SLF2: variants seen among roughly 807,000 people sequenced by gnomAD.
SLF2 encodes SMC5/6 complex localization factor 2, also known as SMC5-SMC6 complex localization factor protein 2.
A neutral mutation model predicts 124.3 loss-of-function variants in SLF2; 68 were observed. That is an observed-to-expected ratio of 0.55 (90% confidence interval 0.45 to 0.67). SLF2 has a LOEUF of 0.67. Among genes scored for constraint, SLF2 ranks in the 30% least tolerant of loss-of-function variants. The probability of loss-of-function intolerance (pLI) is 0.00; values close to 1 mark genes in which losing one functional copy is unlikely to be tolerated. For missense variants in SLF2, 1,246 were observed against 1,373.7 expected (o/e 0.91, Z 1.47); for synonymous variants, 480 against 478.8 (o/e 1.00, Z -0.03).
Position 100,924,266 on chromosome 10 carries a change from A to C in SLF2, c.1265A>C (p.Asn422Thr). 1 of 1,614,200 alleles carries C rather than the reference A, an allele frequency of 6.2e-7. No individual in the cohort carries two copies. The highest frequency in any genetic ancestry group is 8.5e-7 in the Non-Finnish European group (1 of 1,180,038). ...SGNSGHHSTR[N>T]SDQIQVAGTK... ...AATTCTGGCCACCATTCTACCAGGA[A>C]TAGTGACCAAATCCAAGTGGCAGGT... The change falls in exon 5 of 20, where the codon AAT (asparagine) becomes ACT (threonine). Residue 422 changes from asparagine to threonine, a missense_variant. Asn to Thr is a moderately conservative substitution (Grantham distance 65, BLOSUM62 0). Transcript: ENST00000238961.
intron 17 of SLF2, among the ~76,000 whole-genome samples, chr10:100,956,165 G>A (rs1850326106): frequency 6.6e-6 from 1 of 151,576 alleles, no homozygotes; most frequent in African/African-American, 2.4e-5. Flanking sequence ...TTAAATTTCT[G>A]AGTACTATAT....
At position 100,940,280 on chromosome 10, in the gene SLF2, A is replaced by T. The variant is rs183984005; in HGVS notation, c.2654+1544A>T. Among the ~76,000 whole-genome samples, 5 of 152,356 alleles carry T rather than the reference A, an allele frequency of 3.3e-5. No individual in the cohort carries two copies. The East Asian group carries it at 9.6e-4, about 29-fold the overall frequency. On this transcript the variant is annotated intron_variant, in intron 11 of 19. Transcript: ENST00000238961. Reference sequence around the variant, plus strand: ...GTGAGTAAAGATGGGCACAAGCTTAACAAAAGTGATCTGGTGAAGGAATGA... The same window carrying T: ...GTGAGTAAAGATGGGCACAAGCTTATCAAAAGTGATCTGGTGAAGGAATGA...
Position 100,924,491 on chromosome 10 carries a change from C to T in SLF2, c.1490C>T (p.Pro497Leu). 2.5e-6 allele frequency: 4 copies of T among 1,614,070 alleles called. No individual in the cohort carries two copies. Among genetic ancestry groups the T allele is most frequent in the Non-Finnish European group, 3.4e-6 (4 of 1,180,020 alleles). ...VPLNAKNCALPVSKKDKERSS... is the reference protein window; with the variant it reads ...VPLNAKNCALLVSKKDKERSS... The stretch of plus-strand genomic sequence containing the variant: ...TTAAATGCTAAAAATTGTGCTCTTC[C>T]AGTTTCTAAAAAAGATAAAGAGCGT... The change falls in exon 5 of 20, where the codon CCA becomes CTA. Residue 497 changes from proline (P) to leucine (L), a missense_variant. Physicochemically the swap from Pro to Leu is moderately conservative, Grantham distance 98. Transcript: ENST00000238961.
intron 18 of SLF2, among the ~76,000 whole-genome samples, chr10:100,957,330 A>ATTTTTTTTTTTTTTTT (rs71013477): frequency 3.3e-5 from 3 of 91,828 alleles, no homozygotes; most frequent in Non-Finnish European, 5.8e-5. Flanking sequence ...GGAGTCTTCA[A>ATTTTTTTTTTTTTTTT]TTTTTTTTTT....
At chr10:100,954,309 T>A (rs537189563) in intron 17 of SLF2, among the ~76,000 whole-genome samples, 2 of 152,272 alleles carry the variant, frequency 1.3e-5, no homozygotes, top group African/African-American at 4.8e-5. Flanking sequence ...ATAACTATAG[T>A]ATTTTGAAAC....
At chr10:100,958,103 G>T (rs1339043679) in intron 18 of SLF2, among the ~76,000 whole-genome samples, 5 of 152,008 alleles carry the variant, frequency 3.3e-5, no homozygotes, top group African/African-American at 9.7e-5. Context: ...TTTTTCTAAA[G>T]ATTTTTTTAT....
rs1429551864 is a variant in SLF2 at position 100,913,216 on chromosome 10, G to C, written c.106G>C (p.Ala36Pro). ...GAGACCCGGTAGTACCGCCCATGCT[G>C]CAGCGGGAAAGAGAACAGAGAGTCC... Reference protein sequence around the residue: ...HLRPGSTAHAAAGKRTESPGD... With the variant: ...HLRPGSTAHAPAGKRTESPGD... Residue 36 changes from alanine to proline, a missense_variant, in exon 1 of 20, where the codon GCA (alanine) becomes CCA (proline). Around this residue, in one of 3 missense-constraint regions of SLF2, gnomAD observed 698 missense variants for 708.9 expected, o/e 0.98. Coordinates refer to ENST00000238961, the MANE Select transcript of SLF2 (RefSeq NM_018121.4). 1.2e-6 allele frequency: 2 copies of C among 1,611,342 alleles called. No homozygotes were observed. The highest frequency in any genetic ancestry group is 1.7e-6 in the Non-Finnish European group (2 of 1,178,870).
intron 16 of SLF2, 135 bp from the exon 17 acceptor site, chr10:100,950,541 C>A: frequency 1.4e-6 from 1 of 728,934 alleles, no homozygotes; most frequent in Non-Finnish European, 2.3e-6. Context: ...AGATGCTTCG[C>A]TTTTACTTAC....
In SLF2 at chr10:100,916,768, T is replaced by G; in HGVS notation, c.383T>G (p.Ile128Arg). The part of the protein sequence containing the change: ...GVKEHHEDHG[I>R]HESRRPCLSL... ...AAAGAGCACCATGAAGATCATGGTATACATGAGTCACGTCGGCCTTGTCTG... is the reference window on the plus strand; with the variant it reads ...AAAGAGCACCATGAAGATCATGGTAGACATGAGTCACGTCGGCCTTGTCTG... The change falls in exon 3 of 20, where the codon ATA becomes AGA. Residue 128 changes from isoleucine to arginine, a missense_variant. Around this residue, in one of 3 missense-constraint regions of SLF2, gnomAD observed 698 missense variants for 708.9 expected, o/e 0.98. Transcript: ENST00000238961. The G allele has an allele frequency of 6.2e-7, 1 of 1,612,736 alleles. No individual in the cohort carries two copies. The highest frequency in any genetic ancestry group is 8.5e-7 in the Non-Finnish European group (1 of 1,179,470).
intron 10 of SLF2, among the ~76,000 whole-genome samples, 178 bp downstream of exon 10, chr10:100,937,655 C>T (rs1313776724): frequency 1.3e-5 from 2 of 151,930 alleles, no homozygotes; most frequent in Admixed American, 6.6e-5. Context: ...GTCGCCCGGG[C>T]TGAAGTGCAG....
At chr10:100,920,811 A>G (rs1480384117) in intron 4 of SLF2, among the ~76,000 whole-genome samples, 5 of 152,110 alleles carry the variant, frequency 3.3e-5, no homozygotes, top group Non-Finnish European at 7.4e-5. Flanking sequence ...TTAGCTGGGC[A>G]TGGTGCCCAA....
chr10:100,923,733 G>A (rs1270682426), intron 4 of SLF2, among the ~76,000 whole-genome samples: 3 of 152,064 alleles, frequency 2.0e-5, no homozygotes, highest in Non-Finnish European at 4.4e-5. Flanking sequence ...TTCTGTTAAG[G>A]TGGTAAACTT....
intron 6 of SLF2, 168 bp downstream of exon 6, chr10:100,926,187 C>G: frequency 6.4e-7 from 1 of 1,550,808 alleles, no homozygotes; most frequent in South Asian, 1.2e-5. Flanking sequence ...TGGCTCATGC[C>G]TGTAATCACA....
intron 11 of SLF2, among the ~76,000 whole-genome samples, chr10:100,940,354 A>G (rs1296771860): frequency 1.3e-5 from 2 of 152,032 alleles, no homozygotes; most frequent in African/African-American, 4.8e-5. Flanking sequence ...ATGAGTCTGG[A>G]AATGTGTGTG....
At chr10:100,931,609 G>A (rs1849737669) in intron 9 of SLF2, among the ~76,000 whole-genome samples, 1 of 152,124 alleles carries the variant, frequency 6.6e-6, no homozygotes, top group African/African-American at 2.4e-5. Context: ...TTAAATATCA[G>A]TGGTATCATT....
chr10:100,961,927 G>A lies in SLF2; in HGVS notation c.*15G>A. 1.2e-6 allele frequency: 2 copies of A among 1,601,098 alleles called. No homozygotes were observed. Among genetic ancestry groups the A allele is most frequent in the Non-Finnish European group, 1.7e-6 (2 of 1,171,010 alleles). Reference sequence around the variant, plus strand: ...CAGATTCTTAATAGGAGTTGCAGCAGCAAAAATATGAACCAAGAGAAATTC... The same window carrying A: ...CAGATTCTTAATAGGAGTTGCAGCAACAAAAATATGAACCAAGAGAAATTC... On this transcript the variant is annotated 3_prime_UTR_variant, in exon 20 of 20. Transcript: ENST00000238961.
intron 12 of SLF2, among the ~76,000 whole-genome samples, chr10:100,944,384 ATT>A (rs1850054477): frequency 1.3e-5 from 2 of 149,620 alleles, no homozygotes; most frequent in Non-Finnish European, 3.0e-5. Context: ...AGTCCCAGCT[ATT>A]CAGGAGGCTG....
At chr10:100,931,543 A>C (rs910125829) in intron 9 of SLF2, among the ~76,000 whole-genome samples, 3 of 152,198 alleles carry the variant, frequency 2.0e-5, no homozygotes, top group African/African-American at 7.2e-5. Flanking sequence ...CACTTAAATA[A>C]TTATCTTAAA....
Position 100,964,172 on chromosome 10 carries a change from A to T in SLF2, c.*2260A>T, listed in dbSNP as rs961699950. 1 of 152,570 alleles carries T rather than the reference A, an allele frequency of 6.6e-6. No individual in the cohort carries two copies. The highest frequency in any genetic ancestry group is 2.4e-5 in the African/African-American group (1 of 41,404). The allele number at this position is 152,570 out of a possible 1,614,324, so 9.5% of individuals were successfully genotyped here. On this transcript the variant is annotated 3_prime_UTR_variant, in exon 20 of 20. Transcript: ENST00000238961. The stretch of plus-strand genomic sequence containing the variant: ...CCCTCCTGCTGCTATTGCCCGGTGA[A>T]TGGGATGGTAGAGAGGGAGAAATGT...
Sources: gnomAD v4.1 joint callset for allele counts (sites outside exome capture counted in the v4.1 genomes callset) on GRCh38, gnomAD v4.1.1 for gene constraint, gnomAD v4.1.1 regional missense constraint, MANE v1.5 for transcripts, NCBI Gene and HGNC (gene_info 2026-07-23, HGNC 2026-07-21) for gene names.